The following CHSY3 variants were observed in gnomAD, a reference collection of about 807,000 sequenced individuals.
The protein encoded by CHSY3 is chondroitin sulfate synthase 3, also known as N-acetylgalactosaminyl-proteoglycan 3-beta-glucuronosyltransferase 3.
Under a neutral mutation model 67.2 loss-of-function variants are expected in CHSY3, and 35 were observed. The observed-to-expected ratio is 0.52, with a 90% confidence interval of 0.40 to 0.69. The LOEUF is 0.69. Ranked by LOEUF, CHSY3 falls within the 30% of genes least tolerant of loss-of-function variation. The pLI is 0.00. For missense variants in CHSY3, 1,069 were observed against 1,138.5 expected (o/e 0.94, Z 0.88); for synonymous variants, 474 against 434.7 (o/e 1.09, Z -1.12).
chr5:130,030,159 A>G (rs1764665025), intron 2 of CHSY3, among the ~76,000 whole-genome samples: 1 of 152,164 alleles, frequency 6.6e-6, no homozygotes, highest in East Asian at 1.9e-4. Flanking sequence ...TTTAACCACA[A>G]TTTGAATTAT....
At chr5:130,037,350 G>A (rs1764889389) in intron 2 of CHSY3, among the ~76,000 whole-genome samples, 1 of 152,142 alleles carries the variant, frequency 6.6e-6, no homozygotes, top group Middle Eastern at 3.2e-3. Flanking sequence ...TCTTGCCAAG[G>A]AAGGTACAGG....
chr5:130,038,240 T>G (rs568806161), intron 2 of CHSY3, among the ~76,000 whole-genome samples: 15 of 152,086 alleles, frequency 9.9e-5, no homozygotes, highest in Non-Finnish European at 1.9e-4. Context: ...TCCCAGAACT[T>G]TTGTTCCTGA....
chr5:130,173,146 A>T (rs1197615724), intron 2 of CHSY3, among the ~76,000 whole-genome samples: 1 of 152,146 alleles, frequency 6.6e-6, no homozygotes, highest in African/African-American at 2.4e-5. Flanking sequence ...CCAAGAAAAA[A>T]GGCAGCAACA....
intron 2 of CHSY3, among the ~76,000 whole-genome samples, chr5:130,033,003 C>A (rs1329144556): frequency 6.6e-6 from 1 of 152,112 alleles, no homozygotes; most frequent in African/African-American, 2.4e-5. Context: ...GGGCTGTGGG[C>A]CACTCTGAGA....
chr5:129,989,841 A>G (rs1763309176), intron 2 of CHSY3, among the ~76,000 whole-genome samples: 1 of 152,164 alleles, frequency 6.6e-6, no homozygotes, highest in Non-Finnish European at 1.5e-5. Context: ...TTATTCTGTA[A>G]ACAGATAGAT....
At chr5:129,956,676 C>T (rs1183704803) in intron 2 of CHSY3, among the ~76,000 whole-genome samples, 33 of 152,012 alleles carry the variant, frequency 2.2e-4, no homozygotes, top group Admixed American at 2.2e-3. Context: ...TAGTCTTCTG[C>T]ATATGGCTAG....
intron 2 of CHSY3, among the ~76,000 whole-genome samples, chr5:130,145,481 A>G (rs1464507528): frequency 6.6e-6 from 1 of 152,208 alleles, no homozygotes; most frequent in Non-Finnish European, 1.5e-5. Context: ...TAAAGACTTA[A>G]ATGTAAAACC....
chr5:129,988,207 T>C (rs1356393763), intron 2 of CHSY3, among the ~76,000 whole-genome samples: 2 of 152,240 alleles, frequency 1.3e-5, no homozygotes, highest in Non-Finnish European at 2.9e-5. Flanking sequence ...GGATGAGTAA[T>C]GGCACCAGAG....
intron 2 of CHSY3, among the ~76,000 whole-genome samples, chr5:130,004,592 T>A (rs948314550): frequency 6.6e-6 from 1 of 152,192 alleles, no homozygotes; most frequent in African/African-American, 2.4e-5. Context: ...AATGTAAGAC[T>A]CGATTTTGGT....
chr5:129,915,524 A>G (rs942556357), intron 2 of CHSY3, among the ~76,000 whole-genome samples: 15 of 152,332 alleles, frequency 9.8e-5, no homozygotes, highest in Admixed American at 7.2e-4. Context: ...AACGAAATGC[A>G]TTTATTAATT....
intron 2 of CHSY3, among the ~76,000 whole-genome samples, chr5:130,012,288 G>A (rs1378455625): frequency 1.3e-5 from 2 of 152,072 alleles, no homozygotes; most frequent in Non-Finnish European, 2.9e-5. Flanking sequence ...CACAAATAAA[G>A]CTGCACACCT....
At chr5:129,935,167 AATTTT>A in intron 2 of CHSY3, among the ~76,000 whole-genome samples, 2 of 152,292 alleles carry the variant, frequency 1.3e-5, no homozygotes, top group South Asian at 4.1e-4. Context: ...AACATTCTGA[AATTTT>A]ATTTTGTTTT....
At chr5:130,183,784 T>C (rs946543216) in intron 2 of CHSY3, among the ~76,000 whole-genome samples, 2 of 152,100 alleles carry the variant, frequency 1.3e-5, no homozygotes, top group Non-Finnish European at 2.9e-5. Flanking sequence ...TTTTGTCAAA[T>C]GATACCACAT....
At chr5:130,060,357 T>C (rs1580694985) in intron 2 of CHSY3, among the ~76,000 whole-genome samples, 1 of 151,972 alleles carries the variant, frequency 6.6e-6, no homozygotes, top group East Asian at 1.9e-4. Context: ...TTCGATAAAG[T>C]CCAACATTTC....
At chr5:129,998,285 T>G (rs2149636293) in intron 2 of CHSY3, among the ~76,000 whole-genome samples, 1 of 152,194 alleles carries the variant, frequency 6.6e-6, no homozygotes, top group East Asian at 1.9e-4. Context: ...AGTAGGTATC[T>G]TTAAGATCCT....
chr5:130,141,044 A>C (rs752756949), intron 2 of CHSY3: 27 of 304,620 alleles, frequency 8.9e-5, no homozygotes, highest in Non-Finnish European at 1.5e-4. Flanking sequence ...TCATGGTTCT[A>C]TTTGTATTTC....
At chr5:130,100,057 G>A (rs1327914818) in intron 2 of CHSY3, among the ~76,000 whole-genome samples, 2 of 152,088 alleles carry the variant, frequency 1.3e-5, no homozygotes, top group Non-Finnish European at 2.9e-5. Context: ...ATTTTGGAAA[G>A]CATCAATGCT....
chr5:130,140,991 A>G lies in CHSY3; in HGVS notation c.1087-43238A>G, dbSNP rs927551216. Reference sequence around the variant, plus strand: ...GACTCCGTAGAGAAGGCCCTTGGAAATGCCAAACTAGACAAGTCACAGATC... The same window carrying G: ...GACTCCGTAGAGAAGGCCCTTGGAAGTGCCAAACTAGACAAGTCACAGATC... On this transcript the variant is annotated intron_variant, in intron 2 of 2. Coordinates refer to ENST00000305031, the MANE Select transcript of CHSY3 (RefSeq NM_175856.5). 14 of 491,114 alleles carry G rather than the reference A, an allele frequency of 2.9e-5. 1 individual carries two copies. Among genetic ancestry groups the G allele is most frequent in the African/African-American group, 2.5e-4 (12 of 48,066 alleles). 30.4% of individuals were successfully genotyped at this position (491,114 alleles called of 1,614,324 possible).
At chr5:130,144,658 A>G (rs558920508) in intron 2 of CHSY3, among the ~76,000 whole-genome samples, 2 of 152,258 alleles carry the variant, frequency 1.3e-5, no homozygotes, top group South Asian at 4.1e-4. Context: ...AAAAATCTTA[A>G]TTTTTTTAAT....
Sources: gnomAD v4.1 joint callset for allele counts (sites outside exome capture counted in the v4.1 genomes callset) on GRCh38, gnomAD v4.1.1 for gene constraint, MANE v1.5 for transcripts, NCBI Gene and HGNC (gene_info 2026-07-23, HGNC 2026-07-21) for gene names.